TUBGCP3: variants seen among roughly 807,000 people sequenced by gnomAD.
The protein encoded by TUBGCP3 is gamma-tubulin complex component 3.
In TUBGCP3, 50 loss-of-function variants were observed where a neutral mutation model predicts 123.1. The observed-to-expected ratio is 0.41, with a 90% CI of 0.32 to 0.51. TUBGCP3 has a LOEUF of 0.51. Among genes scored for constraint, TUBGCP3 ranks in the 20% least tolerant of loss-of-function variants. The pLI is 0.36. For synonymous variants in TUBGCP3, 405 were observed against 413.9 expected (o/e 0.98, Z 0.26); for missense variants, 882 against 1,127.0 (o/e 0.78, Z 3.11).
chr13:112,513,375 G>A (rs966189679), intron 17 of TUBGCP3, among the ~76,000 whole-genome samples: 1 of 152,190 alleles, frequency 6.6e-6, no homozygotes, highest in Non-Finnish European at 1.5e-5. Flanking sequence ...TCTTACATGA[G>A]GAATGGGTGG....
intron 11 of TUBGCP3, among the ~76,000 whole-genome samples, chr13:112,542,376 T>C (rs562258910): frequency 4.1e-4 from 63 of 152,344 alleles, no homozygotes; most frequent in African/African-American, 1.4e-3. Context: ...TGAACATAAA[T>C]GCATTAAAAA....
At chr13:112,518,926 A>G (rs375481182) in intron 16 of TUBGCP3, 49 bp downstream of exon 16, 9 of 1,522,104 alleles carry the variant, frequency 5.9e-6, no homozygotes, top group Non-Finnish European at 8.2e-6. Context: ...AAAATGTTTA[A>G]CAATCTTAAT....
At chr13:112,555,123 C>A in intron 6 of TUBGCP3, 118 bp from the exon 7 acceptor site, 1 of 629,022 alleles carries the variant, frequency 1.6e-6, no homozygotes, top group East Asian at 2.7e-5. Context: ...TTTACTAACT[C>A]AATAAATAAG....
intron 11 of TUBGCP3, among the ~76,000 whole-genome samples, chr13:112,533,184 A>G (rs1047657008): frequency 2.0e-5 from 3 of 152,244 alleles, no homozygotes; most frequent in South Asian, 2.1e-4. Flanking sequence ...CAGGAGCCCA[A>G]CGCAAGGAAG....
chr13:112,553,037 T>C (rs568155997), intron 8 of TUBGCP3, among the ~76,000 whole-genome samples: 1 of 144,132 alleles, frequency 6.9e-6, no homozygotes, highest in African/African-American at 2.6e-5. Flanking sequence ...ACTAGCCACA[T>C]TCCCAACCAC....
the TUBGCP3 span, among the ~76,000 whole-genome samples, chr13:112,598,801 G>A: frequency 1.3e-5 from 2 of 151,880 alleles, no homozygotes; most frequent in African/African-American, 2.4e-5. Flanking sequence ...AAAATTAGCC[G>A]GGCATCGTGG....
At chr13:112,522,179 ATT>A in intron 14 of TUBGCP3, 139 bp downstream of exon 14, 1 of 895,426 alleles carries the variant, frequency 1.1e-6, no homozygotes, top group Non-Finnish European at 1.6e-6. Flanking sequence ...AAAATTTTAC[ATT>A]CTTTTCAGAT....
At chr13:112,513,329 C>T (rs1160167966) in intron 17 of TUBGCP3, among the ~76,000 whole-genome samples, 1 of 152,190 alleles carries the variant, frequency 6.6e-6, no homozygotes, top group Non-Finnish European at 1.5e-5. Context: ...AAAGCTGCTA[C>T]CATCCAGGAT....
Position 112,489,612 on chromosome 13 carries a change from G to A in TUBGCP3, c.2534C>T (p.Ser845Leu), listed in dbSNP as rs1342983010. 1.2e-6 allele frequency: 2 copies of A among 1,614,200 alleles called. No individual in the cohort carries two copies. Among genetic ancestry groups the A allele is most frequent in the East Asian group, 2.2e-5 (1 of 44,886 alleles). ...EFKESIPKMC[S>L]QLRILTHFYQ... ...GAAATGGGTCAATATTCGCAACTGT[G>A]AGCACATTTTTGGTATAGATTCTTT... The change falls in exon 21 of 22, where the codon TCA (serine) becomes TTA (leucine). Residue 845 changes from serine (S) to leucine (L), a missense_variant. Transcript: ENST00000261965.
At chr13:112,537,434 A>G (rs896501791) in intron 11 of TUBGCP3, among the ~76,000 whole-genome samples, 5 of 152,130 alleles carry the variant, frequency 3.3e-5, no homozygotes, top group Admixed American at 2.6e-4. Context: ...CCTTAGTAAG[A>G]TGTCTTACAT....
rs1212092320 is a variant in TUBGCP3, at chr13:112,519,113, A to G, written c.1882-70T>C. On this transcript the variant is annotated intron_variant, in intron 15 of 21. Coordinates refer to ENST00000261965, the MANE Select transcript of TUBGCP3 (RefSeq NM_006322.6). This position sits in a 1 kb window ranked among gnomAD's most constrained non-coding sequence, Gnocchi z 6.2. ...TGCTGAAGAACTTGTTAACGCAAAG[A>G]AAAAGCAGTAAAATAATGCCCAATT... 3 of 1,268,686 alleles carry G rather than the reference A, an allele frequency of 2.4e-6. No homozygotes were observed. The highest frequency in any genetic ancestry group is 1.9e-4 in the Middle Eastern group (1 of 5,402). 78.6% of individuals were successfully genotyped at this position (1,268,686 alleles called of 1,614,324 possible). A position where few individuals can be genotyped will look rare whatever the true frequency, so the allele number is the denominator to read the frequency against.
Position 112,504,167 on chromosome 13 carries a change from G to A in TUBGCP3, c.2176-4C>T. ...CATCCCAAGAACATTCAAGCACCTG[G>A]GAAACAACAATTTAAAGACGCTAGA... On this transcript the variant is annotated splice_polypyrimidine_tract_variant and splice_region_variant and intron_variant, in intron 18 of 21. Coordinates refer to ENST00000261965, the MANE Select transcript of TUBGCP3 (RefSeq NM_006322.6). 1 of 1,613,944 alleles carries A rather than the reference G, an allele frequency of 6.2e-7. No homozygotes were observed. Among genetic ancestry groups the A allele is most frequent in the Non-Finnish European group, 8.5e-7 (1 of 1,179,982 alleles).
At chr13:112,550,827 G>A (rs773233620) in intron 8 of TUBGCP3, among the ~76,000 whole-genome samples, 17 of 152,280 alleles carry the variant, frequency 1.1e-4, no homozygotes, top group South Asian at 6.2e-4. Flanking sequence ...GGCCAGGTGC[G>A]GTGGCTCACG....
chr13:112,507,939 C>T (rs1881413550), intron 17 of TUBGCP3, among the ~76,000 whole-genome samples: 1 of 152,124 alleles, frequency 6.6e-6, no homozygotes, highest in Non-Finnish European at 1.5e-5. Context: ...TAATGTCACA[C>T]TGGGAAATAA....
chr13:112,599,822 A>G, the TUBGCP3 span, among the ~76,000 whole-genome samples: 1 of 151,998 alleles, frequency 6.6e-6, no homozygotes, highest in Non-Finnish European at 1.5e-5. Context: ...CCCAGCCTAC[A>G]CCTTATGTTT....
At chr13:112,604,563 G>A in the TUBGCP3 span, 1 of 152,208 alleles carries the variant, frequency 6.6e-6, no homozygotes, top group East Asian at 1.9e-4. Context: ...CTCCCAAAGT[G>A]CTGTAATTAC....
intron 11 of TUBGCP3, among the ~76,000 whole-genome samples, chr13:112,537,126 C>CT (rs1566559755): frequency 8.1e-6 from 1 of 123,250 alleles, no homozygotes; most frequent in East Asian, 2.3e-4. Flanking sequence ...TTACCTTTTT[C>CT]CTTTTTTTTT....
Position 112,486,107 on chromosome 13 carries a change from G to A in TUBGCP3, c.2610C>T (p.Asp870=), listed in dbSNP as rs770546471. The change falls in exon 22 of 22, where the codon GAC becomes GAT. Residue 870 remains aspartate, a synonymous_variant. Coordinates refer to ENST00000261965, the MANE Select transcript of TUBGCP3 (RefSeq NM_006322.6). ...QFLVLLTTSS[D]ESLRFLSFRL... ...TGAAGCTAAGAAACCGAAGACTCTC[G>A]TCAGAGCTGGTCGTCAGTAACACCA... The A allele has an allele frequency of 1.4e-5, 23 of 1,610,232 alleles. No individual in the cohort carries two copies. The highest frequency in any genetic ancestry group is 6.7e-5 in the African/African-American group (5 of 74,848).
chr13:112,544,070 G>A (rs1157606955), intron 11 of TUBGCP3, among the ~76,000 whole-genome samples: 4 of 152,148 alleles, frequency 2.6e-5, no homozygotes, highest in African/African-American at 4.8e-5. Flanking sequence ...TGACAAGGAC[G>A]CGGGAATGAG....
Sources: allele counts gnomAD v4.1 joint callset (sites outside exome capture counted in the v4.1 genomes callset), GRCh38; gene constraint gnomAD v4.1.1; non-coding constraint Gnocchi (gnomAD v3.1); transcripts MANE v1.5; gene names NCBI Gene and HGNC (gene_info 2026-07-23, HGNC 2026-07-21).